SCLT1: variants seen among roughly 807,000 people sequenced by gnomAD.
SCLT1 encodes sodium channel and clathrin linker 1.
Under a neutral mutation model 112.8 loss-of-function variants are expected in SCLT1, and 78 were observed. The observed-to-expected ratio is 0.69, with a 90% CI of 0.58 to 0.83. The LOEUF is 0.83. SCLT1 is among the 40% of genes least tolerant of loss of function. The pLI, the probability that SCLT1 is intolerant of heterozygous loss-of-function variation, is 0.00. For synonymous variants in SCLT1, 257 were observed against 254.7 expected, an observed-to-expected ratio of 1.01 and a Z score of -0.09; for missense variants, 747 against 770.4, an observed-to-expected ratio of 0.97 and a Z score of 0.36.
At chr4:128,976,921 T>C (rs932765063) in intron 9 of SCLT1, among the ~76,000 whole-genome samples, 9 of 152,188 alleles carry the variant, frequency 5.9e-5, no homozygotes, top group Non-Finnish European at 1.2e-4. Flanking sequence ...ATGACCTTAA[T>C]TGACAGTTAA....
chr4:129,009,921 C>A (rs1415121751), intron 5 of SCLT1, among the ~76,000 whole-genome samples: 3 of 152,148 alleles, frequency 2.0e-5, no homozygotes, highest in Admixed American at 1.3e-4. Context: ...TTGATAGTTT[C>A]TTTTGCTGTG....
At chr4:129,036,495 T>G (rs1279982255) in intron 5 of SCLT1, 1 of 151,968 alleles carries the variant, frequency 6.6e-6, no homozygotes, top group Non-Finnish European at 1.5e-5. Context: ...CATCCCTGCT[T>G]AATAAGTATT....
Position 128,943,111 on chromosome 4 carries a change from C to T in SCLT1, c.1517G>A (p.Cys506Tyr). The change falls in exon 17 of 21, where the codon TGT becomes TAT. Residue 506 changes from cysteine (C) to tyrosine (Y), a missense_variant. Transcript: ENST00000281142. ...TAGCCTTTGTTCACTGACAAGCCCA[C>T]AGTTCTCTCTCTCAGACTCCAATAC... is the stretch of plus-strand genomic sequence containing the variant. ...QNVLESEREN[C>Y]GLVSEQRLKL... 1 of 1,612,694 alleles carries T rather than the reference C, an allele frequency of 6.2e-7. No homozygotes were observed. The highest frequency in any genetic ancestry group is 1.1e-5 in the South Asian group (1 of 91,038).
intron 2 of SCLT1, among the ~76,000 whole-genome samples, chr4:129,057,766 T>C (rs558510593): frequency 6.6e-6 from 1 of 151,976 alleles, no homozygotes; most frequent in Non-Finnish European, 1.5e-5. Context: ...TTTTCTTTTT[T>C]TTTGAGAGGG....
chr4:129,061,667 G>A (rs1187807306), intron 2 of SCLT1, among the ~76,000 whole-genome samples: 1 of 152,094 alleles, frequency 6.6e-6, no homozygotes, highest in East Asian at 1.9e-4. Context: ...TGGGGGCGTG[G>A]ATGGGGTGAG....
chr4:128,951,744 T>C (rs1269881658), intron 14 of SCLT1, among the ~76,000 whole-genome samples: 2 of 152,160 alleles, frequency 1.3e-5, no homozygotes, highest in South Asian at 2.1e-4. Context: ...AAAAATTACA[T>C]GTCACTAACT....
chr4:128,965,344 T>C (rs1740084371), intron 10 of SCLT1, 26 bp from the exon 11 acceptor site: 2 of 1,434,530 alleles, frequency 1.4e-6, no homozygotes, highest in African/African-American at 1.4e-5. Context: ...ACTAGAAGCT[T>C]ACTTTGAGTA....
At chr4:128,941,292 T>C (rs991492566) in intron 17 of SCLT1, among the ~76,000 whole-genome samples, 64 of 152,282 alleles carry the variant, frequency 4.2e-4, no homozygotes, top group African/African-American at 1.5e-3. Context: ...ATCAAAGTTC[T>C]AATTGCTTTA....
chr4:129,036,397 G>C (rs1048794903), intron 5 of SCLT1, among the ~76,000 whole-genome samples: 3 of 151,908 alleles, frequency 2.0e-5, no homozygotes, highest in Non-Finnish European at 4.4e-5. Context: ...AAAATACCTT[G>C]TCTATTCTCA....
chr4:128,894,921 A>C (rs2125927265), intron 18 of SCLT1, among the ~76,000 whole-genome samples: 1 of 151,922 alleles, frequency 6.6e-6, no homozygotes, highest in Admixed American at 6.6e-5. Context: ...CAGGTGATCC[A>C]CCCTCCTTGG....
At chr4:128,926,441 G>A (rs996773743) in intron 18 of SCLT1, among the ~76,000 whole-genome samples, 10 of 152,012 alleles carry the variant, frequency 6.6e-5, no homozygotes, top group Non-Finnish European at 1.5e-4. Flanking sequence ...GAAAACACCT[G>A]TCAACTTGGA....
chr4:129,023,409 G>A (rs913008020), intron 5 of SCLT1, among the ~76,000 whole-genome samples: 5 of 152,134 alleles, frequency 3.3e-5, no homozygotes, highest in Admixed American at 6.5e-5. Flanking sequence ...CCTATCTCAC[G>A]TGTAAAGACA....
chr4:128,898,950 T>C lies in SCLT1; in HGVS notation c.1830-7813A>G, dbSNP rs181715741. 6.3e-3 allele frequency among the ~76,000 whole-genome samples: 958 copies of C among 152,280 alleles called. 5 individuals are homozygous for C. Among genetic ancestry groups the C allele is most frequent in the African/African-American group, 0.022 (903 of 41,546 alleles). ...AGAAATGGATAAATTCCTTGACACA[T>C]ACACCCTCTGAAGACTAAACCAGGA... On this transcript the variant is annotated intron_variant, in intron 18 of 20. Coordinates refer to ENST00000281142, the MANE Select transcript of SCLT1 (RefSeq NM_144643.4).
chr4:129,086,853 C>A (rs987364263), intron 1 of SCLT1, among the ~76,000 whole-genome samples: 5 of 152,054 alleles, frequency 3.3e-5, no homozygotes, highest in African/African-American at 4.8e-5. Context: ...GAGTTTAAGA[C>A]ATCAAAAAGT....
intron 18 of SCLT1, among the ~76,000 whole-genome samples, chr4:128,918,294 A>C (rs1322976227): frequency 2.6e-5 from 4 of 152,152 alleles, no homozygotes; most frequent in African/African-American, 9.7e-5. Context: ...ATACAATAAA[A>C]TGGTACAGGA....
chr4:128,933,705 A>C (rs1190130690), intron 18 of SCLT1, among the ~76,000 whole-genome samples: 4 of 152,172 alleles, frequency 2.6e-5, no homozygotes, highest in Non-Finnish European at 4.4e-5. Context: ...AGTAAAATAC[A>C]TCTTGAGTTC....
At chr4:129,010,509 A>G (rs985106715) in intron 5 of SCLT1, among the ~76,000 whole-genome samples, 2 of 152,206 alleles carry the variant, frequency 1.3e-5, no homozygotes, top group African/African-American at 2.4e-5. Context: ...TCTGGGCAGT[A>G]TGACCATTTT....
intron 18 of SCLT1, among the ~76,000 whole-genome samples, chr4:128,933,334 T>C (rs1338794194): frequency 2.0e-5 from 3 of 152,180 alleles, no homozygotes; most frequent in African/African-American, 2.4e-5. Flanking sequence ...AAAGACTTTT[T>C]TTTCTTTACT....
intron 10 of SCLT1, among the ~76,000 whole-genome samples, chr4:128,965,829 C>CTTT (rs34253075): frequency 5.7e-5 from 7 of 123,838 alleles, no homozygotes; most frequent in South Asian, 2.7e-4. Flanking sequence ...GATGCCATAA[C>CTTT]TTTTTTTTTT....
Sources: allele counts gnomAD v4.1 joint callset (sites outside exome capture counted in the v4.1 genomes callset), GRCh38; gene constraint gnomAD v4.1.1; transcripts MANE v1.5; gene names NCBI Gene and HGNC (gene_info 2026-07-23, HGNC 2026-07-21).